Variants in CAMK1D observed in about 807,000 individuals in gnomAD.
CAMK1D encodes the protein calcium/calmodulin-dependent protein kinase type 1D.
CAMK1D carries 9 observed loss-of-function variants against 47.7 expected under a neutral mutation model. That is an observed-to-expected ratio of 0.19 (90% CI 0.11 to 0.33). The LOEUF is 0.33. CAMK1D is among the 10% of genes least tolerant of loss of function. CAMK1D has a pLI of 1.00. For synonymous variants in CAMK1D, 184 were observed against 184.9 expected, an observed-to-expected ratio of 0.99 and a Z score of 0.04; for missense variants, 291 against 488.7, an observed-to-expected ratio of 0.60 and a Z score of 3.81.
chr10:12,794,835 T>C (rs1358927291), intron 6 of CAMK1D, among the ~76,000 whole-genome samples: 2 of 152,192 alleles, frequency 1.3e-5, no homozygotes, highest in Non-Finnish European at 1.5e-5. Flanking sequence ...CTGGGTATGA[T>C]TGACCATATA....
At chr10:12,595,861 T>G (rs1838133587) in intron 2 of CAMK1D, among the ~76,000 whole-genome samples, 2 of 152,186 alleles carry the variant, frequency 1.3e-5, no homozygotes, top group Non-Finnish European at 2.9e-5. Context: ...CACTGGGCTG[T>G]GAAAGCTGTG....
chr10:12,369,347 G>A (rs188960895), intron 1 of CAMK1D, among the ~76,000 whole-genome samples: 1 of 152,298 alleles, frequency 6.6e-6, no homozygotes, highest in Admixed American at 6.5e-5. Context: ...TCTACTCCAT[G>A]CCAGGCACTA....
chr10:12,678,407 A>G (rs1840883150), intron 3 of CAMK1D, among the ~76,000 whole-genome samples: 1 of 152,190 alleles, frequency 6.6e-6, no homozygotes, highest in South Asian at 2.1e-4. Flanking sequence ...GGCCTAACAT[A>G]TGGTCTACCC....
intron 2 of CAMK1D, among the ~76,000 whole-genome samples, chr10:12,572,218 G>C (rs1241684854): frequency 6.6e-6 from 1 of 152,124 alleles, no homozygotes; most frequent in Non-Finnish European, 1.5e-5. Flanking sequence ...TGTCAAGGGA[G>C]GGACCTGGTG....
chr10:12,661,284 AT>A (rs1437484552), intron 2 of CAMK1D, among the ~76,000 whole-genome samples: 5 of 152,214 alleles, frequency 3.3e-5, no homozygotes, highest in African/African-American at 1.2e-4. Flanking sequence ...AAATAACTGA[AT>A]TTATATGAGC....
intron 1 of CAMK1D, among the ~76,000 whole-genome samples, chr10:12,513,008 T>TC (rs900091647): frequency 6.6e-6 from 1 of 152,170 alleles, no homozygotes; most frequent in Non-Finnish European, 1.5e-5. Flanking sequence ...GTGTTGTCTT[T>TC]CCCTCACGAG....
intron 1 of CAMK1D, among the ~76,000 whole-genome samples, chr10:12,502,695 G>C (rs1834742929): frequency 6.6e-6 from 1 of 152,236 alleles, no homozygotes; most frequent in South Asian, 2.1e-4. Flanking sequence ...TCTCGTTCCA[G>C]GTATAAGGCT....
At chr10:12,580,476 T>A (rs527581029) in intron 2 of CAMK1D, among the ~76,000 whole-genome samples, 1 of 151,858 alleles carries the variant, frequency 6.6e-6, no homozygotes, top group Non-Finnish European at 1.5e-5. Flanking sequence ...ACAGATTAAC[T>A]CCTCTGAGAA....
chr10:12,650,516 C>T (rs1564467892), intron 2 of CAMK1D, among the ~76,000 whole-genome samples: 4 of 152,212 alleles, frequency 2.6e-5, no homozygotes, highest in Non-Finnish European at 5.9e-5. Context: ...TGGGTCCCTT[C>T]TCTGTGTTTT....
In CAMK1D at chr10:12,352,938, C is replaced by T. The variant is rs573888783; in HGVS notation, c.92+3028C>T. ...ATTTTTAGTAGAGACGGGGTTTCAC[C>T]GTGTTAGCCAGGATGGTCTCGATCT... is the stretch of plus-strand genomic sequence containing the variant. On this transcript the variant is annotated intron_variant, in intron 1 of 10. Coordinates refer to ENST00000619168, the MANE Select transcript of CAMK1D (RefSeq NM_153498.4). Among the ~76,000 whole-genome samples, 56 of 152,074 alleles carry T rather than the reference C, an allele frequency of 3.7e-4. 2 individuals carry two copies. In the South Asian group the frequency reaches 1.0e-2, roughly 27 times the overall value.
Position 12,694,518 on chromosome 10 carries a change from ATATAT to A in CAMK1D, c.299+27709_299+27713del, listed in dbSNP as rs1464563987. 2.3e-5 allele frequency among the ~76,000 whole-genome samples: 3 copies of A among 128,286 alleles called. 1 individual carries two copies. The highest frequency in any genetic ancestry group is 4.7e-5 in the Non-Finnish European group (3 of 64,150). The allele number at this position is 128,286 out of a possible 152,430, so 84.2% of individuals were successfully genotyped here. A position where few individuals can be genotyped will look rare whatever the true frequency, so the allele number is the denominator to read the frequency against. On this transcript the variant is annotated intron_variant, in intron 3 of 10. Coordinates refer to ENST00000619168, the MANE Select transcript of CAMK1D (RefSeq NM_153498.4). ...ACATAAAATATATATTATATAAAAT[ATATAT>A]GATATATATTATGTATAAAATATAT...
Position 12,349,788 on chromosome 10 carries a change from C to T in CAMK1D, c.-31C>T, listed in dbSNP as rs773187408. 2.4e-6 allele frequency: 3 copies of T among 1,267,290 alleles called. No individual in the cohort carries two copies. Among genetic ancestry groups the T allele is most frequent in the East Asian group, 4.6e-5 (1 of 21,544 alleles). The allele number at this position is 1,267,290 out of a possible 1,614,324, so 78.5% of individuals were successfully genotyped here. On this transcript the variant is annotated 5_prime_UTR_variant, in exon 1 of 11. Transcript: ENST00000619168. ...CGGCGCCCCCTCCCCAGCGCGCCCC[C>T]GGCCGCTCCTCCGCGCCGCGCTCGT...
chr10:12,351,489 A>G (rs3013016), intron 1 of CAMK1D, among the ~76,000 whole-genome samples: 81,279 of 151,884 alleles, frequency 0.54, 22,097 homozygotes, highest in Non-Finnish European at 0.58. Context: ...TGTGGCCGCC[A>G]ATGAGGAGAT....
intron 6 of CAMK1D, among the ~76,000 whole-genome samples, chr10:12,811,135 A>G (rs1832587350): frequency 6.6e-6 from 1 of 152,152 alleles, no homozygotes; most frequent in Non-Finnish European, 1.5e-5. Flanking sequence ...TGAATCAGGA[A>G]CTTTGAAGCC....
At chr10:12,767,877 A>T (rs1172075983) in intron 4 of CAMK1D, among the ~76,000 whole-genome samples, 3 of 152,038 alleles carry the variant, frequency 2.0e-5, no homozygotes, top group Admixed American at 2.0e-4. Context: ...TTAGTTAGTT[A>T]GTTAGTTATT....
rs145790929 is a variant in CAMK1D, at chr10:12,669,955, T to C, written c.299+3145T>C. 3.3e-4 allele frequency among the ~76,000 whole-genome samples: 50 copies of C among 152,230 alleles called. No individual in the cohort carries two copies. In the East Asian group the frequency reaches 8.7e-3, roughly 26 times the overall value. On this transcript the variant is annotated intron_variant, in intron 3 of 10. Transcript: ENST00000619168. Reference sequence around the variant, plus strand: ...TTATAGACACTTGGGTGGTGCCCAGTTGGCGGACTCTATCGAGTGAAGTTG... The same window carrying C: ...TTATAGACACTTGGGTGGTGCCCAGCTGGCGGACTCTATCGAGTGAAGTTG...
At chr10:12,728,291 C>T (rs1373823034) in intron 3 of CAMK1D, among the ~76,000 whole-genome samples, 1 of 152,254 alleles carries the variant, frequency 6.6e-6, no homozygotes. Context: ...CCTCTTGGTG[C>T]TAACATCTTG....
chr10:12,559,883 C>T (rs1276127738), intron 2 of CAMK1D, among the ~76,000 whole-genome samples: 6 of 152,082 alleles, frequency 3.9e-5, no homozygotes, highest in Non-Finnish European at 8.8e-5. Context: ...TGCCAAAGCC[C>T]AGGATGCTGG....
chr10:12,696,147 A>G (rs913649595), intron 3 of CAMK1D, among the ~76,000 whole-genome samples: 1 of 152,174 alleles, frequency 6.6e-6, no homozygotes, highest in Non-Finnish European at 1.5e-5. Context: ...AAATCTTGCC[A>G]TACTTTTGTC....
Sources: allele counts gnomAD v4.1 joint callset (sites outside exome capture counted in the v4.1 genomes callset), GRCh38; gene constraint gnomAD v4.1.1; transcripts MANE v1.5; gene names NCBI Gene and HGNC (gene_info 2026-07-23, HGNC 2026-07-21).